Variants in DLC1 observed in about 807,000 individuals in gnomAD.
The protein encoded by DLC1 is rho GTPase-activating protein 7.
A neutral mutation model predicts 140.3 loss-of-function variants in DLC1; 54 were observed. That is an observed-to-expected ratio of 0.38 (90% confidence interval 0.31 to 0.48). The LOEUF is 0.48. DLC1 is among the 20% of genes least tolerant of loss of function. The pLI is 0.96. For synonymous variants in DLC1, 986 were observed against 728.1 expected (o/e 1.35, Z -5.70); for missense variants, 2,536 against 1,907.0 (o/e 1.33, Z -6.14).
chr8:13,438,551 C>G (rs1215968774), intron 2 of DLC1, among the ~76,000 whole-genome samples: 1 of 152,114 alleles, frequency 6.6e-6, no homozygotes, highest in African/African-American at 2.4e-5. Flanking sequence ...GAAGTTGTTG[C>G]GATCTGGCCG....
intron 2 of DLC1, among the ~76,000 whole-genome samples, chr8:13,460,305 C>G (rs367931079): frequency 1.3e-5 from 2 of 152,212 alleles, no homozygotes; most frequent in African/African-American, 4.8e-5. Context: ...TCTCCCATGG[C>G]TCCTTGCAAA....
At chr8:13,518,276 T>A (rs1198554874), upstream of DLC1, among the ~76,000 whole-genome samples, 7 of 152,076 alleles carry the variant, frequency 4.6e-5, no homozygotes, top group Non-Finnish European at 8.8e-5. Flanking sequence ...ACTTGGCTAA[T>A]TTCTGTATTT....
chr8:13,356,554 C>A (rs1834951497), intron 4 of DLC1, among the ~76,000 whole-genome samples: 1 of 152,202 alleles, frequency 6.6e-6, no homozygotes, highest in South Asian at 2.1e-4. Context: ...TAATTCCTTT[C>A]TTTCTGTCTC....
At chr8:13,260,775 A>C (rs371018745) in intron 5 of DLC1, among the ~76,000 whole-genome samples, 3 of 152,220 alleles carry the variant, frequency 2.0e-5, no homozygotes, top group African/African-American at 7.2e-5. Flanking sequence ...TAAGAAAAAA[A>C]TGTATGTGAT....
chr8:13,182,355 T>C (rs1303164236), intron 5 of DLC1, among the ~76,000 whole-genome samples: 3 of 152,208 alleles, frequency 2.0e-5, no homozygotes, highest in Admixed American at 6.5e-5. Flanking sequence ...TTGGCTTTTG[T>C]TGCCTTTGCT....
At chr8:13,551,995 G>A (rs1803873917) in intron 1 of DLC1, among the ~76,000 whole-genome samples, 1 of 144,272 alleles carries the variant, frequency 6.9e-6, no homozygotes, top group Admixed American at 7.1e-5. Context: ...ATATATATGT[G>A]TGTGTGTGCA....
chr8:13,225,807 G>C (rs895032016), intron 5 of DLC1, among the ~76,000 whole-genome samples: 11 of 151,994 alleles, frequency 7.2e-5, no homozygotes, highest in Admixed American at 3.3e-4. Context: ...AGTAGAGATG[G>C]GGTTTCACCG....
At chr8:13,436,319 C>A (rs1435919705) in intron 2 of DLC1, among the ~76,000 whole-genome samples, 6 of 152,168 alleles carry the variant, frequency 3.9e-5, no homozygotes, top group Admixed American at 1.3e-4. Flanking sequence ...CCTTGGTTTT[C>A]CTTTATTATT....
intron 7 of DLC1, among the ~76,000 whole-genome samples, chr8:13,106,508 T>C (rs1819581869): frequency 6.6e-6 from 1 of 152,156 alleles, no homozygotes; most frequent in African/African-American, 2.4e-5. Context: ...CCATCATGCC[T>C]GGCTAATTTT....
chr8:13,122,353 T>C (rs560259138), intron 5 of DLC1, among the ~76,000 whole-genome samples: 39 of 152,300 alleles, frequency 2.6e-4, no homozygotes, highest in African/African-American at 9.4e-4. Flanking sequence ...CAAGCTCTCA[T>C]ACCTTAAGCC....
intron 4 of DLC1, among the ~76,000 whole-genome samples, chr8:13,361,201 C>T (rs28669158): frequency 0.062 from 9,431 of 152,116 alleles, 988 homozygotes; most frequent in African/African-American, 0.22. Context: ...CACTGCACTC[C>T]AGCCTGGGCG....
At chr8:13,324,288 G>A (rs1833244280) in intron 4 of DLC1, among the ~76,000 whole-genome samples, 1 of 152,106 alleles carries the variant, frequency 6.6e-6, no homozygotes, top group South Asian at 2.1e-4. Flanking sequence ...TTTAAAATCG[G>A]CCAGGCGTGG....
chr8:13,245,782 C>T (rs1317913290), intron 5 of DLC1, among the ~76,000 whole-genome samples: 1 of 152,124 alleles, frequency 6.6e-6, no homozygotes, highest in Admixed American at 6.5e-5. Context: ...CTCACTACAA[C>T]CTCAGCTCCC....
intron 4 of DLC1, among the ~76,000 whole-genome samples, chr8:13,346,752 C>T (rs1297906136): frequency 1.3e-5 from 2 of 152,156 alleles, no homozygotes; most frequent in African/African-American, 2.4e-5. Context: ...TTTCAAGCCC[C>T]TGTTATTGGC....
At chr8:13,519,150 T>A (rs1348708798), upstream of DLC1, among the ~76,000 whole-genome samples, 1 of 115,036 alleles carries the variant, frequency 8.7e-6, no homozygotes. Context: ...CCTCCCCAGA[T>A]GTAGTCTCAC....
chr8:13,512,704 G>A (rs1222543686), intron 1 of DLC1, among the ~76,000 whole-genome samples: 1 of 152,044 alleles, frequency 6.6e-6, no homozygotes, highest in East Asian at 1.9e-4. Flanking sequence ...CATTGGTTGG[G>A]ACAGTTTCAT....
intron 1 of DLC1, among the ~76,000 whole-genome samples, chr8:13,581,758 C>A (rs1456901723): frequency 6.6e-6 from 1 of 152,148 alleles, no homozygotes; most frequent in Non-Finnish European, 1.5e-5. Flanking sequence ...TAACACCCAA[C>A]CTCTTTATCA....
chr8:13,179,916 G>A (rs1176365036), intron 5 of DLC1, among the ~76,000 whole-genome samples: 1 of 152,124 alleles, frequency 6.6e-6, no homozygotes, highest in Admixed American at 6.5e-5. Flanking sequence ...AAAATCATCT[G>A]GGAATACTTG....
intron 4 of DLC1, among the ~76,000 whole-genome samples, chr8:13,390,231 T>C (rs539860315): frequency 2.2e-4 from 34 of 152,206 alleles, no homozygotes; most frequent in African/African-American, 7.7e-4. Context: ...CACACACAAA[T>C]TGAAAGAATG....
Sources: allele counts gnomAD v4.1 joint callset (sites outside exome capture counted in the v4.1 genomes callset), GRCh38; gene constraint gnomAD v4.1.1; transcripts MANE v1.5; gene names NCBI Gene and HGNC (gene_info 2026-07-23, HGNC 2026-07-21).